Variants in MARCHF1 observed in about 807,000 individuals in gnomAD.
The protein encoded by MARCHF1 is E3 ubiquitin-protein ligase MARCHF1.
MARCHF1 carries 40 observed loss-of-function variants against 54.2 expected under a neutral mutation model. The ratio of observed to expected loss-of-function variants is 0.74; its 90% CI spans 0.57 to 0.96. MARCHF1 has a LOEUF of 0.96. Ranked by LOEUF, MARCHF1 falls within the 40% of genes least tolerant of loss-of-function variation. The pLI, the probability that MARCHF1 is intolerant of heterozygous loss-of-function variation, is 0.00. For synonymous variants in MARCHF1, 236 were observed against 236.3 expected (o/e 1.00, Z 0.01); for missense variants, 586 against 656.5 (o/e 0.89, Z 1.17).
intron 4 of MARCHF1, among the ~76,000 whole-genome samples, chr4:163,753,135 C>T (rs1408907728): frequency 6.6e-6 from 1 of 151,982 alleles, no homozygotes; most frequent in Non-Finnish European, 1.5e-5. Context: ...CTTATTTGAA[C>T]TAGATGATCC....
At chr4:164,025,358 A>C (rs1753744203) in intron 2 of MARCHF1, among the ~76,000 whole-genome samples, 1 of 152,074 alleles carries the variant, frequency 6.6e-6, no homozygotes, top group Admixed American at 6.6e-5. Context: ...AGGATCAATA[A>C]ATTCAAAAAA....
chr4:164,318,761 C>A (rs1333001071), intron 1 of MARCHF1, among the ~76,000 whole-genome samples: 1 of 152,150 alleles, frequency 6.6e-6, no homozygotes, highest in Non-Finnish European at 1.5e-5. Context: ...AGACAAGGTT[C>A]ATCAACCCTG....
intron 2 of MARCHF1, among the ~76,000 whole-genome samples, chr4:163,995,737 C>T (rs1263347239): frequency 6.6e-6 from 1 of 151,892 alleles, no homozygotes; most frequent in African/African-American, 2.4e-5. Context: ...TATAAAGCAC[C>T]CTACCATTTG....
intron 4 of MARCHF1, among the ~76,000 whole-genome samples, chr4:163,742,814 C>T (rs954805): frequency 0.28 from 42,408 of 151,986 alleles, 7,456 homozygotes; most frequent in Non-Finnish European, 0.4. Flanking sequence ...TCTAAGATAG[C>T]ACCTACAAAT....
intron 3 of MARCHF1, among the ~76,000 whole-genome samples, chr4:163,885,649 A>G (rs1217032906): frequency 6.6e-6 from 1 of 152,150 alleles, no homozygotes; most frequent in East Asian, 1.9e-4. Flanking sequence ...CACCATAGAC[A>G]GCATTTAAAA....
chr4:163,683,278 G>C (rs530441948), intron 5 of MARCHF1, among the ~76,000 whole-genome samples: 2 of 152,158 alleles, frequency 1.3e-5, no homozygotes, highest in African/African-American at 4.8e-5. Flanking sequence ...CATGGTGGTC[G>C]ACAAGAGAAG....
chr4:164,228,163 A>G (rs1732311163), intron 1 of MARCHF1, among the ~76,000 whole-genome samples: 1 of 152,228 alleles, frequency 6.6e-6, no homozygotes, highest in South Asian at 2.1e-4. Context: ...CCTGGGGGGA[A>G]GCACCCCCTC....
chr4:163,752,281 G>C (rs938810403), intron 4 of MARCHF1, among the ~76,000 whole-genome samples: 16 of 149,872 alleles, frequency 1.1e-4, no homozygotes, highest in African/African-American at 3.5e-4. Flanking sequence ...AATGGGAAAG[G>C]TTTTTTAAAA....
At chr4:164,268,079 C>T (rs1733654374) in intron 1 of MARCHF1, among the ~76,000 whole-genome samples, 1 of 152,140 alleles carries the variant, frequency 6.6e-6, no homozygotes, top group African/African-American at 2.4e-5. Context: ...AACACACACA[C>T]AAAAATCACA....
intron 3 of MARCHF1, among the ~76,000 whole-genome samples, chr4:163,914,171 A>T (rs1308771389): frequency 6.6e-6 from 1 of 152,140 alleles, no homozygotes; most frequent in African/African-American, 2.4e-5. Context: ...TACAAAGTAC[A>T]CTTCAAGCTC....
At chr4:163,623,643 G>T (rs1311330193) in intron 5 of MARCHF1, among the ~76,000 whole-genome samples, 1 of 152,140 alleles carries the variant, frequency 6.6e-6, no homozygotes, top group Non-Finnish European at 1.5e-5. Flanking sequence ...AGATACTTTG[G>T]ATATTTCTCA....
chr4:163,924,067 T>C (rs892141760), intron 3 of MARCHF1, among the ~76,000 whole-genome samples: 9 of 152,094 alleles, frequency 5.9e-5, no homozygotes, highest in African/African-American at 1.9e-4. Flanking sequence ...TGAGCATTCA[T>C]TAATCTATGC....
At chr4:164,204,357 G>A (rs935926342) in intron 1 of MARCHF1, among the ~76,000 whole-genome samples, 1 of 152,190 alleles carries the variant, frequency 6.6e-6, no homozygotes, top group Admixed American at 6.5e-5. Flanking sequence ...TTTTGGATGA[G>A]TAATGTTTTC....
chr4:163,852,516 G>T (rs1280611511), intron 4 of MARCHF1, among the ~76,000 whole-genome samples: 1 of 152,120 alleles, frequency 6.6e-6, no homozygotes, highest in Non-Finnish European at 1.5e-5. Flanking sequence ...CCACAGTTTT[G>T]TGCTATCCAA....
chr4:163,869,170 C>G (rs1750118007), intron 3 of MARCHF1, among the ~76,000 whole-genome samples: 1 of 151,806 alleles, frequency 6.6e-6, no homozygotes, highest in African/African-American at 2.4e-5. Flanking sequence ...ATGTGTAGTT[C>G]AAAGACTACG....
chr4:164,109,319 T>A (rs1755779066), intron 2 of MARCHF1, among the ~76,000 whole-genome samples: 1 of 151,916 alleles, frequency 6.6e-6, no homozygotes, highest in Non-Finnish European at 1.5e-5. Flanking sequence ...AAAGAAGGGA[T>A]TTTCAAAGTG....
intron 8 of MARCHF1, among the ~76,000 whole-genome samples, chr4:163,563,884 T>C (rs1250723384): frequency 6.6e-6 from 1 of 152,202 alleles, no homozygotes; most frequent in African/African-American, 2.4e-5. Flanking sequence ...TACTTAATCA[T>C]AACCCAGAAG....
At chr4:164,147,543 AATC>A (rs1729786947) in intron 1 of MARCHF1, among the ~76,000 whole-genome samples, 1 of 132,752 alleles carries the variant, frequency 7.5e-6, no homozygotes, top group Non-Finnish European at 1.6e-5. Context: ...TGAAATTGGA[AATC>A]ATCATTCTCA....
At chr4:163,887,027 T>C (rs945493551) in intron 3 of MARCHF1, among the ~76,000 whole-genome samples, 4 of 152,152 alleles carry the variant, frequency 2.6e-5, no homozygotes, top group Admixed American at 2.6e-4. Context: ...CTTTCACTTG[T>C]GTTTTTGTAA....
Sources: gnomAD v4.1 joint callset for allele counts (sites outside exome capture counted in the v4.1 genomes callset) on GRCh38, gnomAD v4.1.1 for gene constraint, MANE v1.5 for transcripts, NCBI Gene and HGNC (gene_info 2026-07-23, HGNC 2026-07-21) for gene names.